The following BRAP variants were observed in gnomAD, a reference collection of about 807,000 sequenced individuals.
BRAP encodes the protein BRCA1 associated protein.
Under a neutral mutation model 73.4 loss-of-function variants are expected in BRAP, and 42 were observed. The observed-to-expected ratio is 0.57, with a 90% CI of 0.45 to 0.74. The LOEUF is 0.74. BRAP is among the 30% of genes least tolerant of loss of function. BRAP has a pLI of 0.00. For synonymous variants in BRAP, 255 were observed against 267.4 expected, an observed-to-expected ratio of 0.95 and a Z score of 0.45; for missense variants, 593 against 751.4, an observed-to-expected ratio of 0.79 and a Z score of 2.46.
intron 10 of BRAP, 46 bp from the exon 11 acceptor site, chr12:111,650,088 G>A (rs771681161): frequency 7.2e-7 from 1 of 1,383,360 alleles, no homozygotes; most frequent in Non-Finnish European, 1.0e-6. Context: ...AAGGTAATGT[G>A]GTGTGCTCTT....
intron 10 of BRAP, among the ~76,000 whole-genome samples, 187 bp downstream of exon 10, chr12:111,655,379 A>G (rs1180971543): frequency 6.6e-6 from 1 of 151,868 alleles, no homozygotes; most frequent in Non-Finnish European, 1.5e-5. Context: ...AGACCCCAAA[A>G]TATCAAAACA....
At chr12:111,659,589 G>A (rs573531052) in intron 7 of BRAP, among the ~76,000 whole-genome samples, 5 of 152,304 alleles carry the variant, frequency 3.3e-5, no homozygotes, top group Admixed American at 3.3e-4. Context: ...AGGAGGTGGA[G>A]GTTGCAGTGA....
chr12:111,658,636 T>A (rs1886622243), intron 9 of BRAP, 100 bp downstream of exon 9: 271 of 891,062 alleles, frequency 3.0e-4, no homozygotes, highest in Non-Finnish European at 3.5e-4. Flanking sequence ...GACCAAACTT[T>A]AAAAAAAAAA....
chr12:111,663,438 G>C (rs1164379690), intron 6 of BRAP, among the ~76,000 whole-genome samples: 1 of 152,154 alleles, frequency 6.6e-6, no homozygotes, highest in Non-Finnish European at 1.5e-5. Flanking sequence ...GGGTGACAGA[G>C]TGAGACTCCA....
At position 111,665,749 on chromosome 12, in the gene BRAP, G is replaced by C. The variant is rs776517927; in HGVS notation, c.786C>G (p.Pro262=). Residue 262 remains proline (P), a synonymous_variant, in exon 6 of 12, where the codon CCC becomes CCG. Coordinates refer to ENST00000419234, the MANE Select transcript of BRAP (RefSeq NM_006768.5). This position sits in a 1 kb window ranked among gnomAD's most constrained non-coding sequence, Gnocchi z 4.3. ...TGCGCTCCAGACACACCGTGCACTT[G>C]GGGAGTTCAGTCAGGTCCATCACTG... The part of the protein sequence containing the change: ...SLPVMDLTEL[P]KCTVCLERMD... The C allele has an allele frequency of 9.3e-6, 15 of 1,614,132 alleles. No homozygotes were observed. The highest frequency in any genetic ancestry group is 4.0e-5 in the African/African-American group (3 of 74,954).
intron 10 of BRAP, among the ~76,000 whole-genome samples, chr12:111,650,981 T>C (rs1702213003): frequency 6.6e-6 from 1 of 152,156 alleles, no homozygotes; most frequent in South Asian, 2.1e-4. Context: ...GCTAGGTAGA[T>C]ACTGGATCCA....
chr12:111,658,303 ATT>A (rs113348013), intron 9 of BRAP, among the ~76,000 whole-genome samples: 3 of 141,702 alleles, frequency 2.1e-5, no homozygotes, highest in Non-Finnish European at 3.1e-5. Flanking sequence ...ATGACCAAAC[ATT>A]TTTTTTTTTT....
intron 1 of BRAP, chr12:111,685,440 A>T: frequency 1.6e-6 from 1 of 638,246 alleles, no homozygotes; most frequent in Non-Finnish European, 2.2e-6. Flanking sequence ...CAAACACACC[A>T]CTCGACTATC....
At chr12:111,676,611 A>G (rs56165378) in intron 4 of BRAP, among the ~76,000 whole-genome samples, 2,378 of 152,070 alleles carry the variant, frequency 0.016, 74 homozygotes, top group African/African-American at 0.054. Flanking sequence ...ATAAGCTTTT[A>G]CCATGTTGGC....
chr12:111,675,097 C>T (rs1478748639), intron 4 of BRAP, among the ~76,000 whole-genome samples: 1 of 151,864 alleles, frequency 6.6e-6, no homozygotes, highest in East Asian at 1.9e-4. Flanking sequence ...CCCATCTGTA[C>T]AAAAAATACA....
At position 111,652,613 on chromosome 12, in the gene BRAP, C is replaced by T. The variant is rs137925923; in HGVS notation, c.1312-2571G>A. Among the ~76,000 whole-genome samples the T allele has an allele frequency of 2.7e-3, 409 of 152,340 alleles. 2 individuals are homozygous for T. The highest frequency in any genetic ancestry group is 0.016 in the South Asian group (78 of 4,824). On this transcript the variant is annotated intron_variant, in intron 10 of 11. Coordinates refer to ENST00000419234, the MANE Select transcript of BRAP (RefSeq NM_006768.5). ...ATTTCTGGTCCAGTGCCATGGCTCA[C>T]GCCTGTAATCCCAGCCCTCTGGGAG...
At chr12:111,669,489 G>A (rs1223812516) in intron 5 of BRAP, among the ~76,000 whole-genome samples, 2 of 152,082 alleles carry the variant, frequency 1.3e-5, no homozygotes, top group Non-Finnish European at 2.9e-5. Flanking sequence ...GCCTCCCGAA[G>A]TGCTGGGATT....
At chr12:111,651,874 G>C (rs777060391) in intron 10 of BRAP, among the ~76,000 whole-genome samples, 16 of 151,940 alleles carry the variant, frequency 1.1e-4, no homozygotes, top group Admixed American at 7.9e-4. Context: ...CTGACCTCAT[G>C]ATCTGCCCGC....
At position 111,683,306 on chromosome 12, in the gene BRAP, G is replaced by C. The variant is rs377363924; in HGVS notation, c.84C>G (p.Ala28=). 21 of 1,607,392 alleles carry C rather than the reference G, an allele frequency of 1.3e-5. No individual in the cohort carries two copies. Among genetic ancestry groups the C allele is most frequent in the Non-Finnish European group, 1.7e-5 (20 of 1,177,904 alleles). The change falls in exon 2 of 12, where the codon GCC becomes GCG. Residue 28 remains alanine, a splice_region_variant and synonymous_variant. Coordinates refer to ENST00000419234, the MANE Select transcript of BRAP (RefSeq NM_006768.5). Reference sequence around the variant, plus strand: ...TTATCTCCTCATCAGACATTTCCCCGGCTAAAGAACACATGAATGATTAAT... The same window carrying C: ...TTATCTCCTCATCAGACATTTCCCCCGCTAAAGAACACATGAATGATTAAT... The part of the protein sequence containing the change: ...VPAGFGFSAA[A]GEMSDEEIKK...
chr12:111,675,930 CT>C (rs1408240573), intron 4 of BRAP, among the ~76,000 whole-genome samples: 1 of 152,084 alleles, frequency 6.6e-6, no homozygotes, highest in African/African-American at 2.4e-5. Flanking sequence ...CAAAATTGAA[CT>C]TCCTTCTGCT....
chr12:111,682,497 C>CAAAAAAAAAAAA (rs11366915), intron 2 of BRAP, among the ~76,000 whole-genome samples: 14 of 77,872 alleles, frequency 1.8e-4, no homozygotes, highest in East Asian at 4.1e-4. Flanking sequence ...GAGACTGTCT[C>CAAAAAAAAAAAA]AAAAAAAAAA....
At chr12:111,670,800 T>C (rs1479281267) in intron 5 of BRAP, among the ~76,000 whole-genome samples, 2 of 151,880 alleles carry the variant, frequency 1.3e-5, no homozygotes, top group Non-Finnish European at 2.9e-5. Context: ...CAGGTCTAAT[T>C]TAAAATAAAA....
At chr12:111,682,623 C>T (rs750476735) in intron 2 of BRAP, among the ~76,000 whole-genome samples, 4 of 151,760 alleles carry the variant, frequency 2.6e-5, no homozygotes, top group Non-Finnish European at 5.9e-5. Flanking sequence ...AAGAAATTCT[C>T]CCTGGTAGCC....
intron 4 of BRAP, among the ~76,000 whole-genome samples, chr12:111,676,198 G>A (rs1400652364): frequency 3.9e-5 from 6 of 152,048 alleles, no homozygotes; most frequent in Non-Finnish European, 8.8e-5. Context: ...TTCAGCTAAA[G>A]CTAAGGCCAA....
Sources: gnomAD v4.1 joint callset for allele counts (sites outside exome capture counted in the v4.1 genomes callset) on GRCh38, gnomAD v4.1.1 for gene constraint, Gnocchi (gnomAD v3.1) non-coding constraint, MANE v1.5 for transcripts, NCBI Gene and HGNC (gene_info 2026-07-23, HGNC 2026-07-21) for gene names.